Variants in SLC44A5 observed in about 807,000 individuals in gnomAD.
SLC44A5 encodes the protein choline transporter-like protein 5.
SLC44A5 carries 57 observed loss-of-function variants against 101.8 expected under a neutral mutation model. The observed-to-expected ratio is 0.56, with a 90% CI of 0.45 to 0.70. The LOEUF is 0.70. SLC44A5 is among the 30% of genes least tolerant of loss of function. The probability of loss-of-function intolerance (pLI) is 0.00; values close to 1 mark genes in which losing one functional copy is unlikely to be tolerated. For synonymous variants in SLC44A5, 281 were observed against 290.9 expected (o/e 0.97, Z 0.35); for missense variants, 737 against 853.1 (o/e 0.86, Z 1.70).
intron 3 of SLC44A5, among the ~76,000 whole-genome samples, chr1:75,383,915 G>T (rs1304017214): frequency 6.6e-6 from 1 of 151,952 alleles, no homozygotes; most frequent in Admixed American, 6.6e-5. Context: ...CATTCTTAAA[G>T]AAAAGAATTG....
intron 4 of SLC44A5, among the ~76,000 whole-genome samples, chr1:75,326,121 TG>T (rs1656578748): frequency 6.6e-6 from 1 of 150,584 alleles, no homozygotes; most frequent in Non-Finnish European, 1.5e-5. Flanking sequence ...TGTGTGTGTG[TG>T]TGTATAATAT....
chr1:75,722,849 T>C, the SLC44A5 span, among the ~76,000 whole-genome samples: 1 of 152,250 alleles, frequency 6.6e-6, no homozygotes, highest in African/African-American at 2.4e-5. Context: ...ACCGTGGCAG[T>C]TGGCCACACT....
intron 6 of SLC44A5, among the ~76,000 whole-genome samples, chr1:75,268,394 G>GT (rs1305791984): frequency 1.3e-5 from 2 of 151,812 alleles, no homozygotes; most frequent in Admixed American, 1.3e-4. Context: ...CATCTGCTTT[G>GT]TTTTTTTTCT....
intron 3 of SLC44A5, among the ~76,000 whole-genome samples, chr1:75,374,488 G>A (rs1001311979): frequency 1.1e-4 from 17 of 152,170 alleles, no homozygotes; most frequent in Admixed American, 2.0e-4. Context: ...AAATGCAGGC[G>A]TGATGCCAGT....
intron 3 of SLC44A5, among the ~76,000 whole-genome samples, chr1:75,346,970 T>G (rs1165703818): frequency 6.6e-6 from 1 of 152,160 alleles, no homozygotes; most frequent in Non-Finnish European, 1.5e-5. Context: ...TTCATCTTGC[T>G]TTTCTGAGTG....
chr1:75,633,538 T>C, the SLC44A5 span, among the ~76,000 whole-genome samples: 1 of 152,166 alleles, frequency 6.6e-6, no homozygotes, highest in Non-Finnish European at 1.5e-5. Flanking sequence ...TATTGGTGTA[T>C]AAGAATGCTT....
At chr1:75,210,404 C>A (rs1646830205) in intron 23 of SLC44A5, among the ~76,000 whole-genome samples, 2 of 152,068 alleles carry the variant, frequency 1.3e-5, no homozygotes, top group South Asian at 4.2e-4. Context: ...GCATATGCAA[C>A]TATAGGAGCA....
At chr1:75,680,229 C>T in the SLC44A5 span, among the ~76,000 whole-genome samples, 260 of 151,756 alleles carry the variant, frequency 1.7e-3, 1 homozygote, top group African/African-American at 5.8e-3. Context: ...CAAGGATACC[C>T]AGGAATTGAA....
At chr1:75,375,073 G>C (rs1348333150) in intron 3 of SLC44A5, among the ~76,000 whole-genome samples, 1 of 152,160 alleles carries the variant, frequency 6.6e-6, no homozygotes, top group Non-Finnish European at 1.5e-5. Context: ...AGCTCAACGA[G>C]ATTCAAGAGA....
the SLC44A5 span, among the ~76,000 whole-genome samples, chr1:75,623,707 G>C: frequency 6.6e-6 from 1 of 151,966 alleles, no homozygotes; most frequent in South Asian, 2.1e-4. Flanking sequence ...GCAGAGAAAT[G>C]GTATAATATA....
intron 4 of SLC44A5, 22 bp downstream of exon 4, chr1:75,339,560 T>C (rs1657706438): frequency 2.5e-6 from 4 of 1,591,422 alleles, no homozygotes; most frequent in Non-Finnish European, 3.4e-6. Context: ...AAAAGCATAT[T>C]CCCCAAAAAA....
chr1:75,700,568 T>C, the SLC44A5 span, among the ~76,000 whole-genome samples: 2 of 152,192 alleles, frequency 1.3e-5, no homozygotes, highest in South Asian at 2.1e-4. Context: ...AGATCTAAAA[T>C]TGACACTCTA....
At chr1:75,508,179 A>T (rs991627674) in intron 2 of SLC44A5, among the ~76,000 whole-genome samples, 1 of 152,206 alleles carries the variant, frequency 6.6e-6, no homozygotes, top group African/African-American at 2.4e-5. Flanking sequence ...GGACCATAGT[A>T]GAATAAAAAT....
chr1:75,210,348 C>T (rs945583916), intron 23 of SLC44A5, among the ~76,000 whole-genome samples: 1 of 152,132 alleles, frequency 6.6e-6, no homozygotes, highest in African/African-American at 2.4e-5. Flanking sequence ...GTATGAGCCA[C>T]AGTGCCTAGC....
chr1:75,475,160 C>T (rs1332479230), intron 2 of SLC44A5, among the ~76,000 whole-genome samples: 1 of 152,194 alleles, frequency 6.6e-6, no homozygotes, highest in Non-Finnish European at 1.5e-5. Context: ...GATCTTACGC[C>T]TCATCTCTTA....
chr1:75,407,369 T>C (rs1004827393), intron 2 of SLC44A5, among the ~76,000 whole-genome samples: 1 of 152,114 alleles, frequency 6.6e-6, no homozygotes, highest in African/African-American at 2.4e-5. Context: ...AACTCAAATT[T>C]CATATGGAAC....
intron 3 of SLC44A5, among the ~76,000 whole-genome samples, chr1:75,394,376 A>G (rs531104012): frequency 6.6e-6 from 1 of 152,202 alleles, no homozygotes; most frequent in Non-Finnish European, 1.5e-5. Flanking sequence ...AGTGGAGTCA[A>G]TGCCTATAAA....
Position 75,218,846 on chromosome 1 carries a change from C to T in SLC44A5, c.1267-94G>A, listed in dbSNP as rs1005871060. 6 of 1,131,984 alleles carry T rather than the reference C, an allele frequency of 5.3e-6. No individual in the cohort carries two copies. The African/African-American group carries it at 7.9e-5, about 15-fold the overall frequency. 70.1% of individuals were successfully genotyped at this position (1,131,984 alleles called of 1,614,324 possible). ...TTTCCTCTTCCCCTTAATTGCATAT[C>T]CTGTTGTTTCTCTGTTAGCTCCTGC... On this transcript the variant is annotated intron_variant, in intron 16 of 23. Coordinates refer to ENST00000370859, the MANE Select transcript of SLC44A5 (RefSeq NM_001130058.2).
intron 2 of SLC44A5, among the ~76,000 whole-genome samples, chr1:75,412,067 A>T (rs1442146234): frequency 6.6e-6 from 1 of 152,182 alleles, no homozygotes; most frequent in African/African-American, 2.4e-5. Flanking sequence ...TTTATTCAGT[A>T]GAATTTGATG....
Sources: allele counts gnomAD v4.1 joint callset (sites outside exome capture counted in the v4.1 genomes callset), GRCh38; gene constraint gnomAD v4.1.1; transcripts MANE v1.5; gene names NCBI Gene and HGNC (gene_info 2026-07-23, HGNC 2026-07-21).